Variants in PATJ observed in about 807,000 individuals in gnomAD.
PATJ encodes inaD-like protein.
PATJ carries 190 observed loss-of-function variants against 224.9 expected under a neutral mutation model. The observed-to-expected ratio is 0.84, with a 90% CI of 0.75 to 0.95. The LOEUF (loss-of-function observed/expected upper bound fraction) is 0.95, where lower values mean the gene tolerates loss of function less well. Among genes scored for constraint, PATJ ranks in the 40% least tolerant of loss-of-function variants. The pLI is 0.00. For missense variants in PATJ, 2,121 were observed against 2,270.3 expected (o/e 0.93, Z 1.34); for synonymous variants, 769 against 820.3 (o/e 0.94, Z 1.07).
chr1:61,974,349 G>C (rs1224175721), intron 27 of PATJ, among the ~76,000 whole-genome samples: 1 of 149,194 alleles, frequency 6.7e-6, no homozygotes, highest in Non-Finnish European at 1.5e-5. Flanking sequence ...TTGTCAACTA[G>C]GTCTTCTCCA....
intron 20 of PATJ, among the ~76,000 whole-genome samples, chr1:61,871,557 A>ATATTT (rs1666605111): frequency 1.8e-5 from 1 of 55,066 alleles, no homozygotes; most frequent in Non-Finnish European, 3.4e-5. Flanking sequence ...ATATATATAT[A>ATATTT]TTTTTTTTTT....
At chr1:61,841,335 G>A (rs529636270) in intron 17 of PATJ, among the ~76,000 whole-genome samples, 2 of 152,116 alleles carry the variant, frequency 1.3e-5, no homozygotes, top group Non-Finnish European at 2.9e-5. Flanking sequence ...TCAATAGCCT[G>A]TGCAAGCCTA....
At chr1:61,992,802 C>A (rs545038616) in intron 28 of PATJ, among the ~76,000 whole-genome samples, 9 of 152,160 alleles carry the variant, frequency 5.9e-5, no homozygotes, top group Non-Finnish European at 1.2e-4. Flanking sequence ...TGGCAGCAAG[C>A]ACTGGACTTG....
At position 61,786,369 on chromosome 1, in the gene PATJ, TTTG is replaced by T. The variant is rs569230581; in HGVS notation, c.850-1370_850-1368del. 9.0e-3 allele frequency among the ~76,000 whole-genome samples: 1,372 copies of T among 151,922 alleles called. 17 individuals carry two copies. The highest frequency in any genetic ancestry group is 0.031 in the African/African-American group (1,276 of 41,378). ...TATGTGCTAATGACCCGCAAGGTGT[TTTG>T]TTGTTGTTGTTGTTTGTTTGTTTGA... On this transcript the variant is annotated intron_variant, in intron 7 of 43. Coordinates refer to ENST00000642238, the MANE Select transcript of PATJ (RefSeq NM_001350145.3).
intron 43 of PATJ, among the ~76,000 whole-genome samples, chr1:62,157,797 G>T (rs183501653): frequency 1.6e-5 from 2 of 126,468 alleles, no homozygotes; most frequent in African/African-American, 5.9e-5. Flanking sequence ...TGCCATTGCA[G>T]TCCAGCCTGG....
At chr1:61,755,711 C>T (rs1306227786) in intron 1 of PATJ, among the ~76,000 whole-genome samples, 1 of 152,124 alleles carries the variant, frequency 6.6e-6, no homozygotes, top group Non-Finnish European at 1.5e-5. Flanking sequence ...GATCAGGCTC[C>T]CCACTCTATA....
chr1:61,822,985 A>T lies in PATJ; in HGVS notation c.1724A>T (p.Asp575Val). ...IHTLRLGVEV[D>V]SFDGHHYISS... ...ACTCTGAGGCTTGGTGTGGAAGTGG[A>T]TTCCTTTGATGGGCACCATTATATT... Residue 575 changes from aspartate (D) to valine (V), a missense_variant, in exon 15 of 44, where the codon GAT (aspartate) becomes GTT (valine). Transcript: ENST00000642238. The T allele has an allele frequency of 6.2e-7, 1 of 1,614,030 alleles. No individual in the cohort carries two copies. The highest frequency in any genetic ancestry group is 8.5e-7 in the Non-Finnish European group (1 of 1,179,966).
chr1:62,045,346 T>A (rs10493313), intron 30 of PATJ, among the ~76,000 whole-genome samples: 26,956 of 152,126 alleles, frequency 0.18, 3,030 homozygotes, highest in Non-Finnish European at 0.26. Context: ...CGCTGTTCAG[T>A]TTGAAGAAAA....
At chr1:62,037,048 C>T (rs538697208) in intron 29 of PATJ, among the ~76,000 whole-genome samples, 30 of 152,076 alleles carry the variant, frequency 2.0e-4, no homozygotes, top group Non-Finnish European at 4.1e-4. Context: ...GGTTGGATTT[C>T]GAATGCCCTC....
At chr1:62,045,515 G>A (rs551318699) in intron 30 of PATJ, among the ~76,000 whole-genome samples, 1 of 152,288 alleles carries the variant, frequency 6.6e-6, no homozygotes, top group East Asian at 1.9e-4. Flanking sequence ...GGGTTGATCT[G>A]CAAACCTTAC....
rs116545651 is a variant in PATJ, at chr1:61,848,853, T to A, written c.2113-7177T>A. Among the ~76,000 whole-genome samples the A allele has an allele frequency of 7.1e-3, 1,083 of 152,352 alleles. 13 individuals are homozygous for A. The highest frequency in any genetic ancestry group is 0.025 in the African/African-American group (1,048 of 41,586). On this transcript the variant is annotated intron_variant, in intron 17 of 43. Coordinates refer to ENST00000642238, the MANE Select transcript of PATJ (RefSeq NM_001350145.3). ...TAGTTCAAATAATAATGGCCACATTTAAGAGTATACTTTTCAAGAAGCCAA... is the reference window on the plus strand; with the variant it reads ...TAGTTCAAATAATAATGGCCACATTAAAGAGTATACTTTTCAAGAAGCCAA...
intron 7 of PATJ, among the ~76,000 whole-genome samples, chr1:61,784,338 G>A (rs933162579): frequency 1.5e-4 from 23 of 152,172 alleles, no homozygotes; most frequent in Non-Finnish European, 1.3e-4. Context: ...GGTTATGGAC[G>A]GAAAATGTTG....
At chr1:61,838,844 G>A (rs1436140891) in intron 17 of PATJ, among the ~76,000 whole-genome samples, 1 of 151,976 alleles carries the variant, frequency 6.6e-6, no homozygotes, top group East Asian at 1.9e-4. Context: ...TATGGTCTCC[G>A]TGGAAGATTA....
intron 28 of PATJ, among the ~76,000 whole-genome samples, chr1:62,015,163 G>C (rs569848938): frequency 4.0e-4 from 61 of 151,950 alleles, no homozygotes; most frequent in Non-Finnish European, 5.9e-5. Context: ...AATTAGCCGG[G>C]CTTGGTGGCG....
At chr1:62,069,068 C>T (rs1656967656) in intron 31 of PATJ, among the ~76,000 whole-genome samples, 1 of 152,184 alleles carries the variant, frequency 6.6e-6, no homozygotes, top group Non-Finnish European at 1.5e-5. Context: ...GCCGTGGCTA[C>T]TGCCATGATT....
chr1:61,892,741 T>A (rs1030847555), intron 22 of PATJ, among the ~76,000 whole-genome samples: 8 of 152,106 alleles, frequency 5.3e-5, no homozygotes, highest in African/African-American at 1.9e-4. Context: ...TACCCCCACA[T>A]GCATAGCCTC....
intron 29 of PATJ, among the ~76,000 whole-genome samples, chr1:62,030,393 G>T (rs945526849): frequency 6.6e-6 from 1 of 152,088 alleles, no homozygotes; most frequent in African/African-American, 2.4e-5. Flanking sequence ...GTTTTAAGTT[G>T]TTTTGTATCT....
intron 10 of PATJ, among the ~76,000 whole-genome samples, chr1:61,796,744 TTTTTCTTCCTTTCTTCC>T (rs1651372951): frequency 8.4e-6 from 1 of 119,096 alleles, no homozygotes; most frequent in African/African-American, 3.3e-5. Context: ...TTCTTTCTTT[TTTTTCTTCCTTTCTTCC>T]TTTCTATTTT....
chr1:61,863,502 C>T (rs376340590), intron 19 of PATJ, among the ~76,000 whole-genome samples: 6 of 152,186 alleles, frequency 3.9e-5, no homozygotes, highest in East Asian at 1.9e-4. Context: ...TCATTATGCC[C>T]GGCACCCAGA....
Sources: allele counts gnomAD v4.1 joint callset (sites outside exome capture counted in the v4.1 genomes callset), GRCh38; gene constraint gnomAD v4.1.1; transcripts MANE v1.5; gene names NCBI Gene and HGNC (gene_info 2026-07-23, HGNC 2026-07-21).